MIB1: variants seen among roughly 807,000 people sequenced by gnomAD.
The protein encoded by MIB1 is E3 ubiquitin-protein ligase MIB1.
Under a neutral mutation model 124.5 loss-of-function variants are expected in MIB1, and 278 were observed. The ratio of observed to expected loss-of-function variants is 2.23; its 90% CI spans 2.02 to 2.47. The LOEUF is 2.47. MIB1 is among the 30% of genes most tolerant of loss of function. The pLI is 0.00. For missense variants in MIB1, 957 were observed against 1,254.4 expected (o/e 0.76, Z 3.58); for synonymous variants, 446 against 429.4 (o/e 1.04, Z -0.48).
At chr18:21,789,523 G>A (rs1168721002) in intron 6 of MIB1, among the ~76,000 whole-genome samples, 3 of 152,082 alleles carry the variant, frequency 2.0e-5, no homozygotes, top group Admixed American at 6.6e-5. Context: ...CTAATCTTCC[G>A]ATTAAGTGTA....
rs542476542 is a variant in MIB1 at position 21,827,160 on chromosome 18, G to A, written c.1829+7514G>A. The A allele has an allele frequency of 4.6e-5, 7 of 152,230 alleles. No homozygotes were observed. The South Asian group carries it at 1.4e-3, about 32-fold the overall frequency. The allele number at this position is 152,230 out of a possible 1,614,324, so 9.4% of individuals were successfully genotyped here. ...TGTTATCCCTGTCAGGGAGACAGTTGAAATGTTTGAGTTATACCAGTGTCA... is the reference window on the plus strand; with the variant it reads ...TGTTATCCCTGTCAGGGAGACAGTTAAAATGTTTGAGTTATACCAGTGTCA... On this transcript the variant is annotated intron_variant, in intron 12 of 20. Coordinates refer to ENST00000261537, the MANE Select transcript of MIB1 (RefSeq NM_020774.4).
intron 1 of MIB1, among the ~76,000 whole-genome samples, chr18:21,709,177 G>T (rs1405657909): frequency 6.6e-6 from 1 of 152,166 alleles, no homozygotes; most frequent in Non-Finnish European, 1.5e-5. Flanking sequence ...AATTAGCTGG[G>T]TGCAGTGGCG....
intron 12 of MIB1, among the ~76,000 whole-genome samples, chr18:21,832,720 C>CT (rs942509020): frequency 4.6e-5 from 7 of 152,076 alleles, no homozygotes; most frequent in African/African-American, 7.2e-5. Context: ...TTTTGAATGT[C>CT]TGTTTTAAAA....
chr18:21,801,854 G>A (rs1403929846), intron 9 of MIB1, among the ~76,000 whole-genome samples: 9 of 152,060 alleles, frequency 5.9e-5, no homozygotes, highest in Non-Finnish European at 7.4e-5. Flanking sequence ...TGCACTGGAT[G>A]CCCACTTGGA....
Position 21,765,798 on chromosome 18 carries a change from GA to G in MIB1, c.257del (p.Asp86ValfsTer35), listed in dbSNP as rs1463108058. On this transcript the variant is annotated frameshift_variant, in exon 2 of 21. Coordinates refer to ENST00000261537, the MANE Select transcript of MIB1 (RefSeq NM_020774.4). LOFTEE classifies it high-confidence loss of function. ...TGIKHDGTMC[D>X]TCRQQPIIGI... Reference sequence around the variant, plus strand: ...CATCAAGCATGATGGAACCATGTGTGATACCTGCCGCCAGCAACCAATCATT... The same window carrying G: ...CATCAAGCATGATGGAACCATGTGTGTACCTGCCGCCAGCAACCAATCATT... The G allele has an allele frequency of 6.2e-7, 1 of 1,614,126 alleles. No homozygotes were observed. The highest frequency in any genetic ancestry group is 1.1e-5 in the South Asian group (1 of 91,082).
chr18:21,856,240 A>ACAAAAAAC (rs1555696789), intron 18 of MIB1, among the ~76,000 whole-genome samples: 40 of 135,468 alleles, frequency 3.0e-4, no homozygotes, highest in South Asian at 7.0e-4. Context: ...CCGTCTCAAA[A>ACAAAAAAC]AAAAAACAAA....
At chr18:21,722,677 G>A (rs2040720991) in intron 1 of MIB1, among the ~76,000 whole-genome samples, 2 of 151,978 alleles carry the variant, frequency 1.3e-5, no homozygotes, top group African/African-American at 4.8e-5. Flanking sequence ...CTCTTTCCTT[G>A]TTTTTATGAC....
At chr18:21,712,578 C>T (rs1371360893) in intron 1 of MIB1, among the ~76,000 whole-genome samples, 1 of 152,154 alleles carries the variant, frequency 6.6e-6, no homozygotes, top group Non-Finnish European at 1.5e-5. Flanking sequence ...CATCAGACAA[C>T]TGCAAAAAAC....
intron 6 of MIB1, among the ~76,000 whole-genome samples, chr18:21,790,401 A>G (rs954209907): frequency 2.0e-5 from 3 of 152,234 alleles, no homozygotes; most frequent in Non-Finnish European, 4.4e-5. Flanking sequence ...TATCCAAGTG[A>G]TGGAATACTC....
chr18:21,724,722 AAAAAAATAT>A (rs2040730762), intron 1 of MIB1, among the ~76,000 whole-genome samples: 1 of 66,202 alleles, frequency 1.5e-5, no homozygotes, highest in African/African-American at 6.2e-5. Context: ...CAAAAAAAAA[AAAAAAATAT>A]ATATATATAT....
intron 6 of MIB1, among the ~76,000 whole-genome samples, chr18:21,786,399 A>G (rs1410396994): frequency 2.0e-5 from 3 of 152,092 alleles, no homozygotes; most frequent in South Asian, 2.1e-4. Flanking sequence ...GCCCAGCTCT[A>G]TTTGGTTATT....
At chr18:21,860,938 C>G (rs1410618708) in intron 20 of MIB1, among the ~76,000 whole-genome samples, 4 of 152,108 alleles carry the variant, frequency 2.6e-5, no homozygotes, top group African/African-American at 9.7e-5. Context: ...ACTTGGGGAA[C>G]TGAGGCAGGA....
At chr18:21,752,019 T>C (rs1482318213) in intron 1 of MIB1, among the ~76,000 whole-genome samples, 1 of 152,214 alleles carries the variant, frequency 6.6e-6, no homozygotes, top group African/African-American at 2.4e-5. Flanking sequence ...TAGTTTATTA[T>C]ATATAATTAT....
chr18:21,825,441 C>A (rs1213622419), intron 12 of MIB1: 1 of 298,092 alleles, frequency 3.4e-6, no homozygotes, highest in Non-Finnish European at 6.5e-6. Flanking sequence ...ATTACCAGTT[C>A]TTTTCTTTTC....
chr18:21,741,676 C>A lies in MIB1; in HGVS notation c.93C>A (p.Gly31=). 2 of 1,610,948 alleles carry A rather than the reference C, an allele frequency of 1.2e-6. No individual in the cohort carries two copies. The highest frequency in any genetic ancestry group is 1.7e-6 in the Non-Finnish European group (2 of 1,179,226). Residue 31 remains glycine (G), a synonymous_variant, in exon 1 of 21, where the codon GGC becomes GGA. Transcript: ENST00000261537. This position sits in a 1 kb window ranked among gnomAD's most constrained non-coding sequence, Gnocchi z 5.4. ...GPDWKWGKQD[G]GEGHVGTVRS... is the part of the protein sequence containing the mutation. ...ACTGGAAGTGGGGGAAGCAGGACGG[C>A]GGCGAGGGCCATGTGGGCACCGTCC... is the stretch of plus-strand genomic sequence containing the variant.
chr18:21,772,670 C>A (rs1417415022), intron 3 of MIB1, among the ~76,000 whole-genome samples: 2 of 152,026 alleles, frequency 1.3e-5, no homozygotes, highest in Non-Finnish European at 2.9e-5. Context: ...GCAATGGCAA[C>A]CCCAGTATAT....
At chr18:21,762,653 A>G (rs530180263) in intron 1 of MIB1, among the ~76,000 whole-genome samples, 56 of 152,216 alleles carry the variant, frequency 3.7e-4, no homozygotes, top group Non-Finnish European at 7.5e-4. Context: ...TAAGCATCAG[A>G]GATGCCATGT....
At chr18:21,798,886 TAGTA>T (rs1184625145) in intron 8 of MIB1, among the ~76,000 whole-genome samples, 2 of 152,124 alleles carry the variant, frequency 1.3e-5, no homozygotes, top group Non-Finnish European at 2.9e-5. Context: ...TAACTATAAA[TAGTA>T]AGAAACAAAA....
chr18:21,794,044 A>G (rs1054191826), intron 7 of MIB1: 3 of 152,180 alleles, frequency 2.0e-5, no homozygotes, highest in African/African-American at 7.2e-5. Flanking sequence ...GGCGTGGGGA[A>G]CTGGCCCAAA....
Sources: gnomAD v4.1 joint callset for allele counts (sites outside exome capture counted in the v4.1 genomes callset) on GRCh38, gnomAD v4.1.1 for gene constraint, Gnocchi (gnomAD v3.1) non-coding constraint, MANE v1.5 for transcripts, NCBI Gene and HGNC (gene_info 2026-07-23, HGNC 2026-07-21) for gene names.